Variants in TOMM70 observed in about 807,000 individuals in gnomAD.
TOMM70 encodes mitochondrial import receptor subunit TOM70.
TOMM70 carries 13 observed loss-of-function variants against 73.6 expected under a neutral mutation model. That is an observed-to-expected ratio of 0.18 (90% CI 0.11 to 0.28). The LOEUF is 0.28. Among genes scored for constraint, TOMM70 ranks in the 10% least tolerant of loss-of-function variants. The pLI is 1.00. For synonymous variants in TOMM70, 257 were observed against 271.2 expected, an observed-to-expected ratio of 0.95 and a Z score of 0.51; for missense variants, 609 against 747.5, an observed-to-expected ratio of 0.81 and a Z score of 2.16.
At chr3:100,368,242 A>G in intron 10 of TOMM70, 76 bp from the exon 11 acceptor site, 1 of 1,485,340 alleles carries the variant, frequency 6.7e-7, no homozygotes, top group Non-Finnish European at 9.0e-7. Context: ...ATATGACTCA[A>G]TTTCTGCCTT....
chr3:100,380,574 C>T (rs1383245641), intron 5 of TOMM70, among the ~76,000 whole-genome samples: 1 of 152,166 alleles, frequency 6.6e-6, no homozygotes, highest in Non-Finnish European at 1.5e-5. Flanking sequence ...CTGATGATAG[C>T]TAGCTACGTC....
At chr3:100,392,014 G>C (rs776042527) in intron 1 of TOMM70, among the ~76,000 whole-genome samples, 4 of 152,032 alleles carry the variant, frequency 2.6e-5, no homozygotes, top group Non-Finnish European at 2.9e-5. Flanking sequence ...TCTATGTTTA[G>C]GTACCCAAAT....
Position 100,367,976 on chromosome 3 carries a change from G to A in TOMM70, c.1673+68C>T, listed in dbSNP as rs1340944148. On this transcript the variant is annotated intron_variant, in intron 11 of 11. Transcript: ENST00000284320. ...GAACATAACAGACTTTAACATGTAC[G>A]TAATAAGAACAAAAAGCTAAATATC... 1.5e-5 allele frequency: 22 copies of A among 1,484,496 alleles called. No individual in the cohort carries two copies. The East Asian group carries it at 4.2e-4, about 28-fold the overall frequency. 92.0% of individuals were successfully genotyped at this position (1,484,496 alleles called of 1,614,324 possible).
intron 1 of TOMM70, among the ~76,000 whole-genome samples, chr3:100,393,371 C>T (rs1414763820): frequency 2.0e-5 from 3 of 152,050 alleles, no homozygotes; most frequent in African/African-American, 7.2e-5. Flanking sequence ...CATATGTTCT[C>T]ACTTATAAGT....
chr3:100,366,919 G>T (rs1216034199), intron 11 of TOMM70, among the ~76,000 whole-genome samples: 2 of 152,182 alleles, frequency 1.3e-5, no homozygotes, highest in Non-Finnish European at 2.9e-5. Context: ...TAACAAATTA[G>T]CAATTAAGAA....
rs1015718839 is a variant in TOMM70 at position 100,400,928 on chromosome 3, C to G, written c.22G>C (p.Glu8Gln). 3 of 1,517,316 alleles carry G rather than the reference C, an allele frequency of 2.0e-6. No homozygotes were observed. Among genetic ancestry groups the G allele is most frequent in the Non-Finnish European group, 2.6e-6 (3 of 1,139,010 alleles). 94.0% of individuals were successfully genotyped at this position (1,517,316 alleles called of 1,614,324 possible). A position where few individuals can be genotyped will look rare whatever the true frequency, so the allele number is the denominator to read the frequency against. Residue 8 changes from glutamate (E) to glutamine (Q), a missense_variant, in exon 1 of 12, where the codon GAG becomes CAG. Glu to Gln is a conservative substitution (Grantham distance 29, BLOSUM62 2). Around this residue, in one of 2 missense-constraint regions of TOMM70, gnomAD observed 177 missense variants for 163.5 expected, o/e 1.08. Transcript: ENST00000284320. MAASKPV[E>Q]AAVVAAAVPS... is the part of the protein sequence containing the mutation. ...ACAGCGGCTGCGACCACCGCTGCCT[C>G]CACAGGTTTAGAGGCGGCCATGACA...
chr3:100,396,002 G>A (rs1253054956), intron 1 of TOMM70, among the ~76,000 whole-genome samples: 1 of 145,336 alleles, frequency 6.9e-6, no homozygotes, highest in South Asian at 2.2e-4. Flanking sequence ...GAATCCATGA[G>A]GCTGGTATCA....
At position 100,365,399 on chromosome 3, in the gene TOMM70, G is replaced by T; in HGVS notation, c.*165C>A. The T allele has an allele frequency of 9.9e-7, 1 of 1,007,796 alleles. No individual in the cohort carries two copies. Among genetic ancestry groups the T allele is most frequent in the South Asian group, 2.3e-5 (1 of 44,046 alleles). The allele number at this position is 1,007,796 out of a possible 1,614,324, so 62.4% of individuals were successfully genotyped here. The stretch of plus-strand genomic sequence containing the variant: ...GCAAGACTGCAAACTTCCTTCAACA[G>T]CCACACCCACAACACCTAGACATGA... On this transcript the variant is annotated 3_prime_UTR_variant, in exon 12 of 12. Transcript: ENST00000284320.
chr3:100,400,892 C>A lies in TOMM70; in HGVS notation c.58G>T (p.Gly20Trp), dbSNP rs1431589431. The A allele has an allele frequency of 1.3e-6, 2 of 1,530,768 alleles. No homozygotes were observed. Among genetic ancestry groups the A allele is most frequent in the East Asian group, 5.0e-5 (2 of 40,048 alleles). 94.8% of individuals were successfully genotyped at this position (1,530,768 alleles called of 1,614,324 possible). Reference protein sequence around the residue: ...AVVAAAVPSSGSGVGGGGTAG... With the variant: ...AVVAAAVPSSWSGVGGGGTAG... ...GTCCCGCCGCCGCCCACCCCACTCC[C>A]GGAGCTCGGTACAGCGGCTGCGACC... The change falls in exon 1 of 12, where the codon GGG (glycine) becomes TGG (tryptophan). Residue 20 changes from glycine to tryptophan, a missense_variant. Transcript: ENST00000284320.
At chr3:100,368,260 C>T (rs1706468107) in intron 10 of TOMM70, 94 bp from the exon 11 acceptor site, 2 of 1,420,618 alleles carry the variant, frequency 1.4e-6, no homozygotes, top group Non-Finnish European at 1.9e-6. Context: ...CTTCAATGAA[C>T]TTATAAGTTA....
At chr3:100,370,339 T>A (rs1706495751) in intron 9 of TOMM70, among the ~76,000 whole-genome samples, 1 of 152,230 alleles carries the variant, frequency 6.6e-6, no homozygotes. Context: ...AACTTTAATG[T>A]ATTTGTAACT....
chr3:100,383,136 T>G (rs1161545409), intron 4 of TOMM70, among the ~76,000 whole-genome samples: 1 of 152,088 alleles, frequency 6.6e-6, no homozygotes. Flanking sequence ...CCTTTGAGGT[T>G]CAATTTATGG....
intron 3 of TOMM70, 86 bp downstream of exon 3, chr3:100,386,132 G>T: frequency 7.0e-7 from 1 of 1,428,264 alleles, no homozygotes; most frequent in Non-Finnish European, 9.4e-7. Context: ...ACTGATTCTT[G>T]CACTCACAAG....
Position 100,381,224 on chromosome 3 carries a change from G to A in TOMM70, c.884+391C>T, listed in dbSNP as rs1016268725. On this transcript the variant is annotated intron_variant, in intron 5 of 11. Transcript: ENST00000284320. ...ATTCACTCTTTGGGCACCCCTAAAA[G>A]TATCTGTTTATAAATTAAAAACTTC... Among the ~76,000 whole-genome samples the A allele has an allele frequency of 3.5e-4, 53 of 152,184 alleles. 1 individual carries two copies. Among genetic ancestry groups the A allele is most frequent in the Admixed American group, 3.3e-3 (50 of 15,284 alleles).
intron 4 of TOMM70, 106 bp from the exon 5 acceptor site, chr3:100,381,869 T>C: frequency 8.4e-7 from 1 of 1,186,336 alleles, no homozygotes; most frequent in East Asian, 2.7e-5. Flanking sequence ...TGGATTCTCA[T>C]TTTCAAATAA....
intron 5 of TOMM70, among the ~76,000 whole-genome samples, chr3:100,378,219 G>A (rs1706587990): frequency 6.6e-6 from 1 of 151,810 alleles, no homozygotes. Context: ...TTCCAGCCTG[G>A]GAGACAGAGC....
chr3:100,385,910 C>T (rs1017378059), intron 3 of TOMM70, among the ~76,000 whole-genome samples: 1 of 152,172 alleles, frequency 6.6e-6, no homozygotes, highest in Non-Finnish European at 1.5e-5. Flanking sequence ...AACACTATCA[C>T]TTGCTAAAAC....
chr3:100,383,776 A>G (rs1706661766), intron 4 of TOMM70, among the ~76,000 whole-genome samples: 2 of 152,236 alleles, frequency 1.3e-5, no homozygotes, highest in Admixed American at 1.3e-4. Context: ...GGGATTTAAC[A>G]GTGAATCTCC....
intron 1 of TOMM70, among the ~76,000 whole-genome samples, chr3:100,393,647 G>A (rs938426496): frequency 4.0e-5 from 6 of 151,006 alleles, no homozygotes; most frequent in African/African-American, 9.7e-5. Context: ...ACTGAGACTT[G>A]TCAAACGAGG....
Sources: gnomAD v4.1 joint callset for allele counts (sites outside exome capture counted in the v4.1 genomes callset) on GRCh38, gnomAD v4.1.1 for gene constraint, gnomAD v4.1.1 regional missense constraint, MANE v1.5 for transcripts, NCBI Gene and HGNC (gene_info 2026-07-23, HGNC 2026-07-21) for gene names.